PBRM1: variants seen among roughly 807,000 people sequenced by gnomAD.
PBRM1 encodes the protein polybromo 1, also known as protein polybromo-1.
Under a neutral mutation model 194.5 loss-of-function variants are expected in PBRM1, and 27 were observed. The ratio of observed to expected loss-of-function variants is 0.14; its 90% CI spans 0.10 to 0.19. The LOEUF (loss-of-function observed/expected upper bound fraction) is 0.19. Ranked by LOEUF, PBRM1 falls within the 10% of genes least tolerant of loss-of-function variation. The pLI, the probability that PBRM1 is intolerant of heterozygous loss-of-function variation, is 1.00. For missense variants in PBRM1, 1,466 were observed against 2,077.2 expected, an observed-to-expected ratio of 0.71 and a Z score of 5.72; for synonymous variants, 655 against 693.2, an observed-to-expected ratio of 0.94 and a Z score of 0.87.
At chr3:52,562,244 G>A (rs541998117) in intron 24 of PBRM1, among the ~76,000 whole-genome samples, 3 of 151,420 alleles carry the variant, frequency 2.0e-5, no homozygotes, top group African/African-American at 7.3e-5. Flanking sequence ...GGAGAATGGC[G>A]TGAACCCGGG....
chr3:52,563,720 A>C (rs1222403890), intron 23 of PBRM1, among the ~76,000 whole-genome samples: 3 of 150,876 alleles, frequency 2.0e-5, no homozygotes, highest in Admixed American at 6.7e-5. Flanking sequence ...TTGTGTCCAA[A>C]GTTGGGATCT....
chr3:52,648,487 C>A (rs958707764), intron 6 of PBRM1, 45 bp from the exon 8 acceptor site: 1 of 1,024,286 alleles, frequency 9.8e-7, no homozygotes. Flanking sequence ...AATGAGAGTT[C>A]ATCAGTACAA....
intron 17 of PBRM1, among the ~76,000 whole-genome samples, chr3:52,594,160 G>A (rs1423561738): frequency 1.3e-5 from 2 of 152,184 alleles, no homozygotes; most frequent in Non-Finnish European, 2.9e-5. Context: ...GGGATTACAG[G>A]CATGAGCCAC....
At chr3:52,582,119 G>C (rs1242166298) in intron 20 of PBRM1, among the ~76,000 whole-genome samples, 1 of 151,366 alleles carries the variant, frequency 6.6e-6, no homozygotes, top group Non-Finnish European at 1.5e-5. Context: ...GCACACGCCT[G>C]TAGTCCCAGC....
chr3:52,645,916 G>A (rs1022332650), intron 7 of PBRM1, among the ~76,000 whole-genome samples: 4 of 152,190 alleles, frequency 2.6e-5, no homozygotes, highest in African/African-American at 9.7e-5. Flanking sequence ...CGCAGATAAG[G>A]TGAGGGACTA....
downstream of PBRM1, chr3:52,545,475 T>C (rs1450235971): frequency 4.3e-6 from 1 of 232,892 alleles, no homozygotes; most frequent in Non-Finnish European, 8.5e-6. Context: ...TCAGATGATA[T>C]GATACAGAAA....
intron 5 of PBRM1, among the ~76,000 whole-genome samples, chr3:52,656,446 T>C (rs2153834970): frequency 1.3e-5 from 2 of 152,262 alleles, no homozygotes; most frequent in South Asian, 4.1e-4. Context: ...GGTGCATCAC[T>C]TGAGGTCAGG....
chr3:52,564,335 T>A, intron 22 of PBRM1, 102 bp from the exon 25 acceptor site: 1 of 850,750 alleles, frequency 1.2e-6, no homozygotes, highest in Non-Finnish European at 1.9e-6. Flanking sequence ...TTCATATAAT[T>A]AACAATTTTA....
intron 18 of PBRM1, 61 bp from the exon 21 acceptor site, chr3:52,587,571 T>A (rs1049714482): frequency 1.3e-4 from 23 of 183,520 alleles, no homozygotes; most frequent in Non-Finnish European, 1.8e-4. Flanking sequence ...CAGAAATCAC[T>A]TTTTTTTTTT....
In PBRM1 at chr3:52,587,524, G is replaced by C. The variant is rs1434097854; in HGVS notation, c.2966-14C>G. 7 of 1,571,994 alleles carry C rather than the reference G, an allele frequency of 4.5e-6. No homozygotes were observed. The highest frequency in any genetic ancestry group is 1.9e-5 in the Admixed American group (1 of 53,152). On this transcript the variant is annotated splice_polypyrimidine_tract_variant and intron_variant, in intron 18 of 29. Coordinates refer to ENST00000296302, the Ensembl canonical transcript of PBRM1. ...ACCATTTTTCACCTCAAAAATGGGG[G>C]GTGGGGGAAGGGGAAGAGAAAGAGA...
At chr3:52,629,947 C>T (rs1319146935) in intron 11 of PBRM1, among the ~76,000 whole-genome samples, 2 of 152,098 alleles carry the variant, frequency 1.3e-5, no homozygotes, top group African/African-American at 4.8e-5. Flanking sequence ...CTGTGTTGTG[C>T]TCCAACAGAT....
At chr3:52,683,801 G>A (rs888438476), upstream of PBRM1, among the ~76,000 whole-genome samples, 2 of 53,004 alleles carry the variant, frequency 3.8e-5, no homozygotes, top group Non-Finnish European at 3.9e-5. Flanking sequence ...CTGGGGGACA[G>A]AGTAAGACTG....
chr3:52,594,944 C>CA (rs1477306612), intron 17 of PBRM1, among the ~76,000 whole-genome samples: 1 of 152,184 alleles, frequency 6.6e-6, no homozygotes, highest in African/African-American at 2.4e-5. Flanking sequence ...GGTGCACAGT[C>CA]AGTCTTCTGG....
chr3:52,641,837 A>G, intron 10 of PBRM1, 117 bp downstream of exon 11: 1 of 762,960 alleles, frequency 1.3e-6, no homozygotes, highest in South Asian at 1.4e-5. Context: ...CAAATGCAAT[A>G]AAATAGCATG....
At chr3:52,660,345 CT>C (rs1185922783) in intron 4 of PBRM1, among the ~76,000 whole-genome samples, 2 of 152,024 alleles carry the variant, frequency 1.3e-5, no homozygotes, top group African/African-American at 4.8e-5. Context: ...TATTTTTAGC[CT>C]TCTATTTAGT....
intron 11 of PBRM1, among the ~76,000 whole-genome samples, chr3:52,633,647 T>C (rs1302298629): frequency 1.3e-5 from 2 of 152,218 alleles, no homozygotes; most frequent in African/African-American, 4.8e-5. Flanking sequence ...GAGGTTCCAA[T>C]TTCTCCACAT....
intron 14 of PBRM1, among the ~76,000 whole-genome samples, chr3:52,616,583 C>G (rs2094966226): frequency 6.6e-6 from 1 of 152,146 alleles, no homozygotes; most frequent in African/African-American, 2.4e-5. Flanking sequence ...GTCCCAGCTA[C>G]TCGGGAGGCT....
Position 52,586,698 on chromosome 3 carries a change from G to T in PBRM1, c.3124-10C>A, listed in dbSNP as rs72947594. 15,813 of 1,559,158 alleles carry T rather than the reference G, an allele frequency of 0.01. 1,085 individuals are homozygous for T. In the African/African-American group the frequency reaches 0.17, roughly 16 times the overall value. On this transcript the variant is annotated splice_polypyrimidine_tract_variant and intron_variant, in intron 19 of 29. Transcript: ENST00000296302. The stretch of plus-strand genomic sequence containing the variant: ...ATAACTTAAAGTATTCCTGGGGGGT[G>T]GGGAGGGCATAAGAATAAAACTAGT...
intron 19 of PBRM1, among the ~76,000 whole-genome samples, 157 bp downstream of exon 21, chr3:52,587,196 A>C (rs2092513372): frequency 6.6e-6 from 1 of 152,250 alleles, no homozygotes; most frequent in African/African-American, 2.4e-5. Context: ...AGTTCAGGTT[A>C]ATTTCTTCCC....
Sources: allele counts gnomAD v4.1 joint callset (sites outside exome capture counted in the v4.1 genomes callset), GRCh38; gene constraint gnomAD v4.1.1; transcripts MANE v1.5; gene names NCBI Gene and HGNC (gene_info 2026-07-23, HGNC 2026-07-21).